Variants in DCP1A observed in about 807,000 individuals in gnomAD.
DCP1A encodes the protein mRNA-decapping enzyme 1A.
DCP1A carries 20 observed loss-of-function variants against 58.0 expected under a neutral mutation model. The observed-to-expected ratio is 0.34, with a 90% confidence interval of 0.24 to 0.50. The LOEUF (loss-of-function observed/expected upper bound fraction) is 0.50, where lower values mean the gene tolerates loss of function less well. Among genes scored for constraint, DCP1A ranks in the 20% least tolerant of loss-of-function variants. The pLI is 0.98. For missense variants in DCP1A, 613 were observed against 712.2 expected (o/e 0.86, Z 1.59); for synonymous variants, 285 against 275.1 (o/e 1.04, Z -0.36).
At chr3:53,340,683 C>T (rs2089189493) in intron 3 of DCP1A, among the ~76,000 whole-genome samples, 1 of 152,014 alleles carries the variant, frequency 6.6e-6, no homozygotes, top group Non-Finnish European at 1.5e-5. Flanking sequence ...ATCATTGTTA[C>T]CATAACCAGT....
intron 1 of DCP1A, 87 bp downstream of exon 1, chr3:53,347,296 T>C (rs2089303494): frequency 7.2e-7 from 1 of 1,383,514 alleles, no homozygotes. Flanking sequence ...CCTCTTAGTG[T>C]GCCCCCCCAC....
chr3:53,308,221 A>G, intron 5 of DCP1A, among the ~76,000 whole-genome samples: 1 of 151,648 alleles, frequency 6.6e-6, no homozygotes, highest in East Asian at 1.9e-4. Context: ...TAAAAAAAGA[A>G]AAAACTTTTC....
Position 53,321,847 on chromosome 3 carries a change from A to C in DCP1A, c.305-2374T>G, listed in dbSNP as rs567528938. 5.0e-4 allele frequency among the ~76,000 whole-genome samples: 76 copies of C among 152,354 alleles called. 1 individual carries two copies. The highest frequency in any genetic ancestry group is 1.8e-3 in the African/African-American group (75 of 41,572). ...TAACATTACAATTTTTTATAGAAAC[A>C]AAAAGTTAGTGAGCTTCAGTTATGC... is the stretch of plus-strand genomic sequence containing the variant. On this transcript the variant is annotated intron_variant, in intron 3 of 9. Transcript: ENST00000610213.
intron 7 of DCP1A, among the ~76,000 whole-genome samples, chr3:53,291,427 T>C (rs1553685969): frequency 6.6e-6 from 1 of 151,110 alleles, no homozygotes; most frequent in Non-Finnish European, 1.5e-5. Flanking sequence ...TCTTATTCAT[T>C]CTATTTTTTT....
Position 53,306,042 on chromosome 3 carries a change from A to T in DCP1A, c.511-1752T>A, listed in dbSNP as rs368821732. Among the ~76,000 whole-genome samples, 18 of 152,216 alleles carry T rather than the reference A, an allele frequency of 1.2e-4. No homozygotes were observed. In the East Asian group the frequency reaches 1.7e-3, roughly 15 times the overall value. ...CACCAAAAACAGTTCAGAAAATGCA[A>T]GATATGAGATTTTTTTAAAAAGCAG... is the stretch of plus-strand genomic sequence containing the variant. On this transcript the variant is annotated intron_variant, in intron 5 of 9. Coordinates refer to ENST00000610213, the MANE Select transcript of DCP1A (RefSeq NM_018403.7).
chr3:53,307,344 T>C (rs1245796547), intron 5 of DCP1A, among the ~76,000 whole-genome samples: 2 of 152,140 alleles, frequency 1.3e-5, no homozygotes, highest in Non-Finnish European at 2.9e-5. Flanking sequence ...GCCCCAGATT[T>C]GTAATTTTTA....
rs782145277 is a variant in DCP1A at position 53,312,338 on chromosome 3, C to G, written c.413G>C (p.Arg138Pro). 1 of 1,612,746 alleles carries G rather than the reference C, an allele frequency of 6.2e-7. No homozygotes were observed. Among genetic ancestry groups the G allele is most frequent in the African/African-American group, 1.3e-5 (1 of 74,896 alleles). The change falls in exon 5 of 10, where the codon CGG (arginine) becomes CCG (proline). Residue 138 changes from arginine (R) to proline (P), a missense_variant. Arg to Pro is a moderately radical substitution (Grantham distance 103). Transcript: ENST00000610213. ...GGCCTGGCTGGGACTCTGTTTGTCC[C>G]GAGCAGCTTGCTGGGATCGCCGTGT... ...EETRRSQQAA[R>P]DKQSPSQANG...
At chr3:53,325,826 A>G (rs1298177543) in intron 3 of DCP1A, among the ~76,000 whole-genome samples, 9 of 152,224 alleles carry the variant, frequency 5.9e-5, no homozygotes, top group African/African-American at 2.2e-4. Context: ...CCTAAGACTG[A>G]CTGACGTGGG....
chr3:53,289,123 C>T (rs1252117315), intron 8 of DCP1A, among the ~76,000 whole-genome samples: 1 of 151,248 alleles, frequency 6.6e-6, no homozygotes, highest in African/African-American at 2.4e-5. Flanking sequence ...CAATCCTCCC[C>T]CCATTTTTGA....
At chr3:53,319,595 TACTC>T (rs1469057336) in intron 3 of DCP1A, 122 bp from the exon 4 acceptor site, 2 of 583,818 alleles carry the variant, frequency 3.4e-6, no homozygotes, top group Non-Finnish European at 6.0e-6. Flanking sequence ...AAATTGTTAA[TACTC>T]TATCTAAAGA....
chr3:53,330,419 G>A (rs1283025991), intron 3 of DCP1A, among the ~76,000 whole-genome samples: 1 of 151,810 alleles, frequency 6.6e-6, no homozygotes, highest in African/African-American at 2.4e-5. Flanking sequence ...AATTTAGCTG[G>A]TGTAGTAGCT....
chr3:53,343,622 T>C (rs1484278644), intron 2 of DCP1A, among the ~76,000 whole-genome samples: 3 of 152,170 alleles, frequency 2.0e-5, no homozygotes, highest in Admixed American at 1.3e-4. Flanking sequence ...AATTTATTTA[T>C]TTTTTATGAG....
chr3:53,292,275 C>T lies in DCP1A; in HGVS notation c.1177G>A (p.Asp393Asn). The T allele has an allele frequency of 6.8e-6, 11 of 1,613,950 alleles. No homozygotes were observed. Among genetic ancestry groups the T allele is most frequent in the Non-Finnish European group, 9.3e-6 (11 of 1,179,888 alleles). ...NTAGTSLPSV[D>N]LLQKLRLTPQ... is the part of the protein sequence containing the mutation. ...GTCAACCTGAGTTTCTGGAGAAGAT[C>T]AACGCTTGGGAGGGATGTGCCAGCT... Residue 393 changes from aspartate (D) to asparagine (N), a missense_variant, in exon 7 of 10, where the codon GAT (aspartate) becomes AAT (asparagine). By Grantham distance (23) the Asp-to-Asn change is conservative. Coordinates refer to ENST00000610213, the MANE Select transcript of DCP1A (RefSeq NM_018403.7).
At position 53,347,472 on chromosome 3, in the gene DCP1A, G is replaced by A. The variant is rs2089307496; in HGVS notation, c.46C>T (p.Leu16=). ...RAGQEMSLAA[L]KQHDPYITSI... is the part of the protein sequence containing the mutation. ...GTGATATAGGGGTCGTGTTGCTTCA[G>A]GGCCGCTAGGCTCATCTCCTGCCCA... The change falls in exon 1 of 10, where the codon CTG becomes TTG. Residue 16 remains leucine, a synonymous_variant. Coordinates refer to ENST00000610213, the MANE Select transcript of DCP1A (RefSeq NM_018403.7). The A allele has an allele frequency of 6.2e-7, 1 of 1,613,610 alleles. No homozygotes were observed. Among genetic ancestry groups the A allele is most frequent in the Non-Finnish European group, 8.5e-7 (1 of 1,179,672 alleles).
At chr3:53,328,596 C>G (rs1020972720) in intron 3 of DCP1A, among the ~76,000 whole-genome samples, 4 of 151,864 alleles carry the variant, frequency 2.6e-5, no homozygotes, top group Non-Finnish European at 5.9e-5. Flanking sequence ...ATTAGTGAAT[C>G]ATAATGAAAA....
chr3:53,316,541 T>A (rs1360735608), intron 4 of DCP1A, among the ~76,000 whole-genome samples: 2 of 151,166 alleles, frequency 1.3e-5, no homozygotes, highest in Non-Finnish European at 2.9e-5. Flanking sequence ...ATAGCTGAAA[T>A]GACAGGTACA....
intron 6 of DCP1A, among the ~76,000 whole-genome samples, chr3:53,294,051 A>G (rs1434257952): frequency 6.6e-6 from 1 of 152,244 alleles, no homozygotes; most frequent in Non-Finnish European, 1.5e-5. Flanking sequence ...ACTGAGAGCC[A>G]CACGTGCTTC....
Position 53,304,188 on chromosome 3 carries a change from A to G in DCP1A, c.613T>C (p.Ser205Pro). The G allele has an allele frequency of 6.2e-7, 1 of 1,611,684 alleles. No homozygotes were observed. Among genetic ancestry groups the G allele is most frequent in the Non-Finnish European group, 8.5e-7 (1 of 1,178,582 alleles). Residue 205 changes from serine to proline, a missense_variant, in exon 6 of 10, where the codon TCA (serine) becomes CCA (proline). Ser to Pro is a moderately conservative substitution (Grantham distance 74). Around this residue, in one of 3 missense-constraint regions of DCP1A, gnomAD observed 498 missense variants for 556.7 expected, o/e 0.89. Transcript: ENST00000610213. The part of the protein sequence containing the change: ...TETLEEMPSG[S>P]QDKSAPSGHK... The stretch of plus-strand genomic sequence containing the variant: ...TTAGCTGTACAAACCTTATCCTGTG[A>G]CCCGGAGGGCATTTCTTCTAGAGTC...
intron 4 of DCP1A, among the ~76,000 whole-genome samples, chr3:53,312,747 T>G (rs1054333135): frequency 4.6e-5 from 7 of 152,134 alleles, no homozygotes; most frequent in Admixed American, 1.3e-4. Context: ...GCCCTAGGCC[T>G]CCCCAAGTGC....
Sources: allele counts gnomAD v4.1 joint callset (sites outside exome capture counted in the v4.1 genomes callset), GRCh38; gene constraint gnomAD v4.1.1; regional missense constraint gnomAD v4.1.1; transcripts MANE v1.5; gene names NCBI Gene and HGNC (gene_info 2026-07-23, HGNC 2026-07-21).